Variants in DPF2 observed in about 807,000 individuals in gnomAD.
DPF2 encodes zinc finger protein ubi-d4.
A neutral mutation model predicts 59.6 loss-of-function variants in DPF2; 10 were observed. The observed-to-expected ratio is 0.17, with a 90% CI of 0.10 to 0.28. The LOEUF is 0.28. Ranked by LOEUF, DPF2 falls within the 10% of genes least tolerant of loss-of-function variation. DPF2 has a pLI of 1.00. For missense variants in DPF2, 315 were observed against 509.4 expected (o/e 0.62, Z 3.67); for synonymous variants, 189 against 190.6 (o/e 0.99, Z 0.07).
chr11:65,336,423 C>T (rs1170205109), intron 1 of DPF2, among the ~76,000 whole-genome samples: 5 of 151,896 alleles, frequency 3.3e-5, no homozygotes, highest in Non-Finnish European at 7.4e-5. Flanking sequence ...ACCCAGGCGG[C>T]AGAGGTTGAA....
At position 65,341,580 on chromosome 11, in the gene DPF2, T is replaced by A. The variant is rs776862880; in HGVS notation, c.465+18T>A. On this transcript the variant is annotated intron_variant, in intron 4 of 10. Transcript: ENST00000528416. ...CGCGAAAGGTACAGGATTATCCCTG[T>A]GGCTAAGGGAGCTTTGATGGAAATC... The A allele has an allele frequency of 3.1e-6, 5 of 1,610,314 alleles. No individual in the cohort carries two copies. Among genetic ancestry groups the A allele is most frequent in the Non-Finnish European group, 4.2e-6 (5 of 1,176,766 alleles).
chr11:65,338,409 C>T (rs1185539120), intron 1 of DPF2, among the ~76,000 whole-genome samples: 1 of 152,244 alleles, frequency 6.6e-6, no homozygotes, highest in Non-Finnish European at 1.5e-5. Context: ...CTCATTCATT[C>T]CCCGCAAAAC....
chr11:65,345,587 A>G, intron 6 of DPF2, 79 bp from the exon 7 acceptor site: 2 of 1,574,650 alleles, frequency 1.3e-6, no homozygotes, highest in Non-Finnish European at 1.7e-6. Context: ...CCTCAGGTGG[A>G]GCCCCCACAG....
chr11:65,337,474 A>AAAAG (rs1555029114), intron 1 of DPF2, among the ~76,000 whole-genome samples: 1 of 46,484 alleles, frequency 2.2e-5, no homozygotes, highest in Admixed American at 3.1e-4. Flanking sequence ...AAAAAAAAAA[A>AAAAG]ATATATATAT....
At chr11:65,351,615 A>G (rs1423491436) in intron 10 of DPF2, 68 bp from the exon 11 acceptor site, 6 of 1,371,316 alleles carry the variant, frequency 4.4e-6, no homozygotes. Flanking sequence ...GGGTATCAAG[A>G]GCAGAGGAAT....
chr11:65,341,682 G>C, intron 4 of DPF2, 120 bp downstream of exon 4: 1 of 1,383,464 alleles, frequency 7.2e-7, no homozygotes, highest in East Asian at 2.4e-5. Context: ...GGCCCCTGCA[G>C]TTCTGTTCTT....
At chr11:65,343,935 C>CTA (rs1854454633) in intron 5 of DPF2, 56 bp from the exon 6 acceptor site, 5 of 1,611,358 alleles carry the variant, frequency 3.1e-6, no homozygotes, top group Non-Finnish European at 3.4e-6. Flanking sequence ...CCAAAAGAGT[C>CTA]TAACTCCTCA....
chr11:65,337,063 G>A (rs1398143164), intron 1 of DPF2, among the ~76,000 whole-genome samples: 3 of 152,058 alleles, frequency 2.0e-5, no homozygotes, highest in Admixed American at 6.6e-5. Flanking sequence ...GCGAGACTCC[G>A]TCTCAAAAAA....
intron 7 of DPF2, 61 bp downstream of exon 7, chr11:65,345,864 C>T: frequency 6.2e-7 from 1 of 1,613,358 alleles, no homozygotes; most frequent in Non-Finnish European, 8.5e-7. Context: ...GAAAACCACT[C>T]CTTGCATGGG....
intron 1 of DPF2, among the ~76,000 whole-genome samples, chr11:65,335,663 T>G (rs1950085375): frequency 6.6e-6 from 1 of 152,176 alleles, no homozygotes; most frequent in African/African-American, 2.4e-5. Flanking sequence ...TAATACGTAC[T>G]CCCACAGAAT....
At chr11:65,346,905 G>A (rs1288746832) in intron 9 of DPF2, 1 of 152,732 alleles carries the variant, frequency 6.5e-6, no homozygotes, top group Non-Finnish European at 1.5e-5. Flanking sequence ...AATGAGATGA[G>A]AGAGGCAAGC....
At chr11:65,340,819 C>A in intron 2 of DPF2, 147 bp from the exon 3 acceptor site, 1 of 864,038 alleles carries the variant, frequency 1.2e-6, no homozygotes, top group Non-Finnish European at 1.7e-6. Context: ...TTTCCACAGA[C>A]TATTCCACCT....
chr11:65,344,611 GC>G, intron 6 of DPF2: 1 of 1,535,822 alleles, frequency 6.5e-7, no homozygotes, highest in Non-Finnish European at 8.7e-7. Context: ...CCTCGAAAGC[GC>G]CCCAGAGAGG....
intron 10 of DPF2, among the ~76,000 whole-genome samples, chr11:65,349,861 T>C (rs1854642324): frequency 6.6e-6 from 1 of 151,570 alleles, no homozygotes; most frequent in Non-Finnish European, 1.5e-5. Flanking sequence ...GCCCAGGAGC[T>C]GTTACTGTGC....
chr11:65,338,629 C>G (rs1266923233), intron 1 of DPF2, among the ~76,000 whole-genome samples: 1 of 152,212 alleles, frequency 6.6e-6, no homozygotes, highest in African/African-American at 2.4e-5. Context: ...CTCCATTCTG[C>G]TCTCCAACGT....
chr11:65,344,315 A>G (rs1724622109), intron 6 of DPF2: 1 of 614,774 alleles, frequency 1.6e-6, no homozygotes, highest in Non-Finnish European at 2.9e-6. Context: ...TGTGGGGGCC[A>G]CAGCAGGCAG....
intron 1 of DPF2, among the ~76,000 whole-genome samples, chr11:65,337,785 GT>G (rs1380756905): frequency 1.3e-5 from 2 of 149,520 alleles, no homozygotes; most frequent in Non-Finnish European, 3.0e-5. Flanking sequence ...TGGTTTTTTT[GT>G]TTGTTTGTTT....
chr11:65,343,395 C>T (rs1854436837), intron 4 of DPF2: 1 of 253,952 alleles, frequency 3.9e-6, no homozygotes, highest in African/African-American at 2.2e-5. Context: ...AGGACAGAAC[C>T]ACCAATAATG....
chr11:65,348,841 C>A lies in DPF2; in HGVS notation c.1018-9C>A, dbSNP rs761354272. 6.2e-7 allele frequency: 1 copy of A among 1,614,002 alleles called. No individual in the cohort carries two copies. ...CAGTCCCCATCCTCTTCCCTCTTGC[C>A]TACTTCAGGACCAGTTGCTCTTCTG... On this transcript the variant is annotated splice_polypyrimidine_tract_variant and intron_variant, in intron 9 of 10. Transcript: ENST00000528416.
Sources: gnomAD v4.1 joint callset for allele counts (sites outside exome capture counted in the v4.1 genomes callset) on GRCh38, gnomAD v4.1.1 for gene constraint, MANE v1.5 for transcripts, NCBI Gene and HGNC (gene_info 2026-07-23, HGNC 2026-07-21) for gene names.